The following SVEP1 variants were observed in gnomAD, a reference collection of about 807,000 sequenced individuals.
SVEP1 encodes the protein sushi, von Willebrand factor type A, EGF and pentraxin domain-containing protein 1.
A neutral mutation model predicts 367.3 loss-of-function variants in SVEP1; 164 were observed. The observed-to-expected ratio is 0.45, with a 90% CI of 0.39 to 0.51. The LOEUF (loss-of-function observed/expected upper bound fraction) is 0.51, where lower values mean the gene tolerates loss of function less well. SVEP1 is among the 20% of genes least tolerant of loss of function. SVEP1 has a pLI of 0.00. For synonymous variants in SVEP1, 1,666 were observed against 1,611.6 expected, an observed-to-expected ratio of 1.03 and a Z score of -0.81; for missense variants, 4,117 against 4,425.3, an observed-to-expected ratio of 0.93 and a Z score of 1.98.
At chr9:110,481,178 A>T in intron 12 of SVEP1, 64 bp downstream of exon 12, 1 of 1,243,306 alleles carries the variant, frequency 8.0e-7, no homozygotes, top group Non-Finnish European at 1.0e-6. Context: ...TTTCCTCTTT[A>T]ACACTTAGAA....
chr9:110,438,059 G>A (rs1356662714), intron 27 of SVEP1, among the ~76,000 whole-genome samples: 2 of 151,824 alleles, frequency 1.3e-5, no homozygotes, highest in African/African-American at 4.8e-5. Context: ...ATGTATGTGT[G>A]AGGTATTTTA....
chr9:110,434,083 T>C (rs1187762561), intron 30 of SVEP1, among the ~76,000 whole-genome samples: 2 of 152,162 alleles, frequency 1.3e-5, no homozygotes, highest in East Asian at 1.9e-4. Flanking sequence ...CCTCTACCTG[T>C]AGGGTGTGTC....
At chr9:110,435,144 G>T (rs1201071137) in intron 29 of SVEP1, 97 bp downstream of exon 29, 5 of 1,397,906 alleles carry the variant, frequency 3.6e-6, no homozygotes, top group Non-Finnish European at 4.8e-6. Flanking sequence ...AGTCACATAC[G>T]ATTGGACCGA....
At chr9:110,530,901 A>G (rs1159048309) in intron 3 of SVEP1, among the ~76,000 whole-genome samples, 1 of 152,124 alleles carries the variant, frequency 6.6e-6, no homozygotes, top group African/African-American at 2.4e-5. Context: ...ATGGTCACAC[A>G]ATTTTCTTTC....
intron 1 of SVEP1, among the ~76,000 whole-genome samples, chr9:110,559,045 C>CTATGATATTTTAGTA (rs1284623213): frequency 6.6e-6 from 1 of 151,824 alleles, no homozygotes; most frequent in Non-Finnish European, 1.5e-5. Context: ...AAAAATATAC[C>CTATGATATTTTAGTA]TCATTAGTAT....
Position 110,549,857 on chromosome 9 carries a change from A to T in SVEP1, c.779T>A (p.Leu260Ter). Reference protein sequence around the residue: ...EEFEALARRALHEDLPSGSFI... With the variant: ...EEFEALARRA ...CATTAGGTTTCCATTACCTTCATGC[A>T]ATGCCCGGCGAGCTAAAGCCTCAAA... Residue 260 changes from leucine to a stop codon, truncating the protein, a stop_gained, in exon 2 of 48, where the codon TTG becomes TAG. Coordinates refer to ENST00000374469, the MANE Select transcript of SVEP1 (RefSeq NM_153366.4). LOFTEE classifies it high-confidence loss of function. 1 of 1,613,812 alleles carries T rather than the reference A, an allele frequency of 6.2e-7. No individual in the cohort carries two copies. Among genetic ancestry groups the T allele is most frequent in the Non-Finnish European group, 8.5e-7 (1 of 1,179,802 alleles).
Position 110,391,031 on chromosome 9 carries a change from A to G in SVEP1, c.9823-1444T>C, listed in dbSNP as rs1827646639. On this transcript the variant is annotated intron_variant, in intron 40 of 47. Transcript: ENST00000374469. The stretch of plus-strand genomic sequence containing the variant: ...ATTTCAGTATGAATCTCTAAAAGAT[A>G]AGAGCTCTTAAAAATTATAACCATA... Among the ~76,000 whole-genome samples the G allele has an allele frequency of 2.6e-5, 4 of 152,302 alleles. No homozygotes were observed. In the South Asian group the frequency reaches 8.3e-4, roughly 32 times the overall value.
At chr9:110,503,580 A>C (rs10980412) in intron 5 of SVEP1, among the ~76,000 whole-genome samples, 94,216 of 152,012 alleles carry the variant, frequency 0.62, 29,825 homozygotes, top group African/African-American at 0.76. Context: ...AGGCTACATT[A>C]CAACAAAAGG....
intron 3 of SVEP1, among the ~76,000 whole-genome samples, chr9:110,524,718 T>TATTATTATTATTAC (rs35477110): frequency 3.6e-4 from 52 of 143,834 alleles, no homozygotes; most frequent in Non-Finnish European, 3.5e-4. Flanking sequence ...TTATTATTAC[T>TATTATTATTATTAC]TTTTTTTTTT....
At chr9:110,557,297 C>T (rs757830337) in intron 1 of SVEP1, among the ~76,000 whole-genome samples, 2 of 152,148 alleles carry the variant, frequency 1.3e-5, no homozygotes, top group Non-Finnish European at 1.5e-5. Flanking sequence ...GATTGAATCC[C>T]GGCATTGCAT....
At chr9:110,511,180 A>G (rs879611506) in intron 5 of SVEP1, among the ~76,000 whole-genome samples, 2 of 152,062 alleles carry the variant, frequency 1.3e-5, no homozygotes, top group Non-Finnish European at 2.9e-5. Flanking sequence ...TCTGTTTTTA[A>G]TATTTTTTTT....
intron 1 of SVEP1, among the ~76,000 whole-genome samples, chr9:110,557,893 C>G (rs890861671): frequency 1.3e-5 from 2 of 152,168 alleles, no homozygotes; most frequent in African/African-American, 4.8e-5. Flanking sequence ...ATAGAACTTT[C>G]TATAATGCTT....
intron 28 of SVEP1, 77 bp from the exon 29 acceptor site, chr9:110,435,441 A>G (rs1301702171): frequency 2.0e-5 from 31 of 1,513,936 alleles, no homozygotes; most frequent in Non-Finnish European, 2.6e-5. Context: ...ATTTAGTCCT[A>G]TTGAAAACAT....
At position 110,579,180 on chromosome 9, in the gene SVEP1, C is replaced by T; in HGVS notation, c.364G>A (p.Val122Met). Residue 122 changes from valine (V) to methionine (M), a missense_variant, in exon 1 of 48, where the codon GTG (valine) becomes ATG (methionine). By Grantham distance (21) the Val-to-Met change is conservative. Around this residue, in one of 4 missense-constraint regions of SVEP1, gnomAD observed 2,174 missense variants for 2,494.3 expected, o/e 0.87. Coordinates refer to ENST00000374469, the MANE Select transcript of SVEP1 (RefSeq NM_153366.4). The surrounding 1 kb of genome is among the most constrained non-coding windows in gnomAD (Gnocchi z 5.3). The stretch of plus-strand genomic sequence containing the variant: ...TTGGACGAGAAGGTCACGATGGCCA[C>T]GCGCGTGGCCGTGGGCACCACGGGG... Reference protein sequence around the residue: ...DFPVVPTATRVAIVTFSSKNY... With the variant: ...DFPVVPTATRMAIVTFSSKNY... 6.4e-7 allele frequency: 1 copy of T among 1,567,268 alleles called. No homozygotes were observed. The highest frequency in any genetic ancestry group is 1.2e-5 in the South Asian group (1 of 85,130).
rs781088724 is a variant in SVEP1, at chr9:110,579,588, C to T, written c.-45G>A. On this transcript the variant is annotated 5_prime_UTR_variant, in exon 1 of 48. Transcript: ENST00000374469. The surrounding 1 kb of genome is among the most constrained non-coding windows in gnomAD (Gnocchi z 5.3). ...CTGCCCCGGAGCGCAGGCGGCGGCT[C>T]GGGCGGGAAGAGGCGCTGGGCGGCC... 11 of 1,518,706 alleles carry T rather than the reference C, an allele frequency of 7.2e-6. No homozygotes were observed. The highest frequency in any genetic ancestry group is 6.3e-5 in the South Asian group (5 of 79,464). The allele number at this position is 1,518,706 out of a possible 1,614,324, so 94.1% of individuals were successfully genotyped here. A position where few individuals can be genotyped will look rare whatever the true frequency, so the allele number is the denominator to read the frequency against.
intron 6 of SVEP1, 36 bp downstream of exon 6, chr9:110,503,002 G>C: frequency 6.3e-7 from 1 of 1,579,544 alleles, no homozygotes; most frequent in Non-Finnish European, 8.6e-7. Context: ...CAGAGGAAAT[G>C]AATCACTCAA....
chr9:110,369,211 G>T (rs1201961914), intron 47 of SVEP1, among the ~76,000 whole-genome samples: 1 of 152,112 alleles, frequency 6.6e-6, no homozygotes, highest in Non-Finnish European at 1.5e-5. Flanking sequence ...CAATATGGCT[G>T]ATATTTTCCT....
At chr9:110,471,255 A>T (rs1181972833) in intron 16 of SVEP1, 109 bp downstream of exon 16, 4 of 916,052 alleles carry the variant, frequency 4.4e-6, no homozygotes, top group Admixed American at 5.7e-5. Context: ...ACACAACAAG[A>T]GCAAAATATG....
rs1232012257 is a variant in SVEP1 at position 110,379,466 on chromosome 9, A to T, written c.10289T>A (p.Val3430Glu). The change falls in exon 44 of 48, where the codon GTA (valine) becomes GAA (glutamate). Residue 3430 changes from valine to glutamate, a missense_variant. By Grantham distance (121) the Val-to-Glu change is moderately radical. Around this residue, in one of 4 missense-constraint regions of SVEP1, gnomAD observed 1,765 missense variants for 1,781.1 expected, o/e 0.99. Coordinates refer to ENST00000374469, the MANE Select transcript of SVEP1 (RefSeq NM_153366.4). ...GATCATGTCTCCATATTGATAATGT[A>T]CGCCTCGAGCAATTGCATTTTCTAC... ...AHVENAIARG[V>E]HYQYGDMITY... The T allele has an allele frequency of 1.9e-6, 3 of 1,613,844 alleles. No individual in the cohort carries two copies. Among genetic ancestry groups the T allele is most frequent in the Non-Finnish European group, 2.5e-6 (3 of 1,179,800 alleles).
Sources: allele counts gnomAD v4.1 joint callset (sites outside exome capture counted in the v4.1 genomes callset), GRCh38; gene constraint gnomAD v4.1.1; regional missense constraint gnomAD v4.1.1; non-coding constraint Gnocchi (gnomAD v3.1); transcripts MANE v1.5; gene names NCBI Gene and HGNC (gene_info 2026-07-23, HGNC 2026-07-21).